Variants in TUSC3 observed in about 807,000 individuals in gnomAD.
The protein encoded by TUSC3 is dolichyl-diphosphooligosaccharide--protein glycosyltransferase subunit TUSC3.
Under a neutral mutation model 44.8 loss-of-function variants are expected in TUSC3, and 45 were observed. That is an observed-to-expected ratio of 1.00 (90% CI 0.79 to 1.29). The LOEUF (loss-of-function observed/expected upper bound fraction) is 1.29, where lower values mean the gene tolerates loss of function less well. Ranked by LOEUF, TUSC3 falls within the 50% of genes most tolerant of loss-of-function variation. The probability of loss-of-function intolerance (pLI) is 0.00; values close to 1 mark genes in which losing one functional copy is unlikely to be tolerated. For missense variants in TUSC3, 519 were observed against 437.9 expected, an observed-to-expected ratio of 1.19 and a Z score of -1.65; for synonymous variants, 212 against 152.9, an observed-to-expected ratio of 1.39 and a Z score of -2.85.
chr8:15,608,691 C>T (rs1047923711), intron 1 of TUSC3, among the ~76,000 whole-genome samples: 2 of 152,042 alleles, frequency 1.3e-5, no homozygotes, highest in African/African-American at 4.8e-5. Flanking sequence ...GGCAGTTTTT[C>T]CTTTGCTTTC....
chr8:15,542,287 T>G (rs1242077641), intron 1 of TUSC3, among the ~76,000 whole-genome samples: 1 of 152,084 alleles, frequency 6.6e-6, no homozygotes, highest in East Asian at 1.9e-4. Flanking sequence ...ATGGTTTTAT[T>G]AGCCAGATGA....
At chr8:15,602,702 A>C (rs895349121) in intron 1 of TUSC3, among the ~76,000 whole-genome samples, 2 of 148,192 alleles carry the variant, frequency 1.3e-5, no homozygotes, top group Non-Finnish European at 3.0e-5. Context: ...GTGTGTATAT[A>C]TGTGTATGTA....
chr8:15,604,789 A>G lies in TUSC3; in HGVS notation c.139-18291A>G, dbSNP rs1474067758. Reference sequence around the variant, plus strand: ...GACTGTGGTATTCTGCAGTAACTTAATAGCCCTACATTTTTTCTATATTTG... The same window carrying G: ...GACTGTGGTATTCTGCAGTAACTTAGTAGCCCTACATTTTTTCTATATTTG... On this transcript the variant is annotated intron_variant, in intron 1 of 10. Transcript: ENST00000503731. Among the ~76,000 whole-genome samples, 10 of 141,978 alleles carry G rather than the reference A, an allele frequency of 7.0e-5. No homozygotes were observed. The East Asian group carries it at 1.4e-3, about 20-fold the overall frequency. The allele number at this position is 141,978 out of a possible 152,430, so 93.1% of individuals were successfully genotyped here.
intron 3 of TUSC3, among the ~76,000 whole-genome samples, chr8:15,652,103 T>G (rs1201230798): frequency 6.6e-6 from 1 of 152,192 alleles, no homozygotes; most frequent in African/African-American, 2.4e-5. Context: ...CTGCAGTTCA[T>G]TATTATTTTT....
intron 1 of TUSC3, among the ~76,000 whole-genome samples, chr8:15,622,530 A>G (rs1429079): frequency 0.34 from 51,974 of 151,930 alleles, 9,190 homozygotes; most frequent in East Asian, 0.38. Context: ...TGTGCTGTCT[A>G]CCAGTCACTG....
the TUSC3 span, among the ~76,000 whole-genome samples, chr8:15,827,875 T>C: frequency 6.6e-6 from 1 of 152,094 alleles, no homozygotes; most frequent in South Asian, 2.1e-4. Flanking sequence ...ATAGGGTGAA[T>C]ATATGCAGGA....
At chr8:15,711,927 G>A (rs1410393405) in intron 6 of TUSC3, among the ~76,000 whole-genome samples, 1 of 151,838 alleles carries the variant, frequency 6.6e-6, no homozygotes, top group Non-Finnish European at 1.5e-5. Context: ...GAACTGAAAG[G>A]AAATAATAAC....
intron 1 of TUSC3, among the ~76,000 whole-genome samples, chr8:15,590,210 G>A (rs1382479474): frequency 6.6e-6 from 1 of 152,146 alleles, no homozygotes. Flanking sequence ...TTTCTGATTG[G>A]ACTTTTCACT....
chr8:15,720,014 G>C (rs1195058064), intron 6 of TUSC3, among the ~76,000 whole-genome samples: 1 of 151,970 alleles, frequency 6.6e-6, no homozygotes, highest in Non-Finnish European at 1.5e-5. Flanking sequence ...AAACTCCTGG[G>C]CTTAAGTGAT....
At chr8:15,654,553 C>A (rs1368375288) in intron 3 of TUSC3, among the ~76,000 whole-genome samples, 1 of 152,038 alleles carries the variant, frequency 6.6e-6, no homozygotes, top group Non-Finnish European at 1.5e-5. Context: ...ACAAATCAGT[C>A]TTCTAATGAA....
chr8:15,725,863 C>T (rs1280431712), intron 6 of TUSC3, among the ~76,000 whole-genome samples: 1 of 152,162 alleles, frequency 6.6e-6, no homozygotes, highest in African/African-American at 2.4e-5. Flanking sequence ...TTCATGCTGT[C>T]AGTTTCCAAT....
chr8:15,840,423 A>G, the TUSC3 span, among the ~76,000 whole-genome samples: 2 of 152,198 alleles, frequency 1.3e-5, no homozygotes, highest in Non-Finnish European at 2.9e-5. Flanking sequence ...ACAAAAACTC[A>G]GGAGCAGAAG....
chr8:15,710,469 G>A (rs1809795619), intron 6 of TUSC3, among the ~76,000 whole-genome samples: 1 of 151,742 alleles, frequency 6.6e-6, no homozygotes, highest in Non-Finnish European at 1.5e-5. Context: ...TCTACAGTGA[G>A]TAATCAATCT....
At chr8:15,626,672 C>A (rs970268116) in intron 2 of TUSC3, among the ~76,000 whole-genome samples, 1 of 152,206 alleles carries the variant, frequency 6.6e-6, no homozygotes, top group African/African-American at 2.4e-5. Context: ...TGGTCTCTCC[C>A]TGCTCTTGGT....
intron 6 of TUSC3, among the ~76,000 whole-genome samples, chr8:15,717,126 G>A (rs936268512): frequency 8.6e-5 from 13 of 151,968 alleles, no homozygotes; most frequent in Admixed American, 1.3e-4. Flanking sequence ...TTATAAATAC[G>A]TATGTTTAAA....
intron 2 of TUSC3, among the ~76,000 whole-genome samples, chr8:15,534,240 A>G (rs975649883): frequency 6.6e-6 from 1 of 152,136 alleles, no homozygotes; most frequent in Admixed American, 6.5e-5. Context: ...TTTTGGCATT[A>G]TTTAAAGAGT....
chr8:15,498,967 C>T (rs948628470), intron 2 of TUSC3, among the ~76,000 whole-genome samples: 1 of 152,248 alleles, frequency 6.6e-6, no homozygotes, highest in South Asian at 2.1e-4. Context: ...TATTTTTTCT[C>T]ATAGACCTTA....
At chr8:15,538,239 A>C (rs1563277679), upstream of TUSC3, among the ~76,000 whole-genome samples, 1 of 152,194 alleles carries the variant, frequency 6.6e-6, no homozygotes, top group Non-Finnish European at 1.5e-5. Flanking sequence ...TTTTATGTTT[A>C]GTCTATTGAA....
At chr8:15,460,478 G>T (rs1800330024) in intron 1 of TUSC3, among the ~76,000 whole-genome samples, 1 of 152,174 alleles carries the variant, frequency 6.6e-6, no homozygotes, top group South Asian at 2.1e-4. Context: ...CTCCCACTCT[G>T]TGGGTTGTCT....
Sources: allele counts gnomAD v4.1 joint callset (sites outside exome capture counted in the v4.1 genomes callset), GRCh38; gene constraint gnomAD v4.1.1; transcripts MANE v1.5; gene names NCBI Gene and HGNC (gene_info 2026-07-23, HGNC 2026-07-21).